Variants in NXPH1 observed in about 807,000 individuals in gnomAD.
The protein encoded by NXPH1 is neurexophilin-1.
A neutral mutation model predicts 23.7 loss-of-function variants in NXPH1; 5 were observed. That is an observed-to-expected ratio of 0.21 (90% CI 0.11 to 0.44). The LOEUF (loss-of-function observed/expected upper bound fraction) is 0.44. NXPH1 is among the 20% of genes least tolerant of loss of function. The pLI is 0.99. For missense variants in NXPH1, 324 were observed against 321.6 expected (o/e 1.01, Z -0.06); for synonymous variants, 144 against 122.2 (o/e 1.18, Z -1.18).
At chr7:8,524,575 C>G (rs892839120) in intron 2 of NXPH1, among the ~76,000 whole-genome samples, 4 of 152,260 alleles carry the variant, frequency 2.6e-5, no homozygotes, top group Non-Finnish European at 5.9e-5. Context: ...GCCAAGGTGT[C>G]TGATATGGTT....
At chr7:8,599,535 T>C (rs770592601) in intron 2 of NXPH1, among the ~76,000 whole-genome samples, 1 of 152,194 alleles carries the variant, frequency 6.6e-6, no homozygotes, top group Non-Finnish European at 1.5e-5. Flanking sequence ...TGCCATTTCA[T>C]GTCTTTCTGC....
chr7:8,749,715 G>A (rs1444691405), intron 2 of NXPH1, among the ~76,000 whole-genome samples: 1 of 152,188 alleles, frequency 6.6e-6, no homozygotes, highest in African/African-American at 2.4e-5. Context: ...TAAGTCTATT[G>A]TGAAATGTGG....
intron 2 of NXPH1, among the ~76,000 whole-genome samples, chr7:8,458,349 T>A (rs10952111): frequency 6.6e-6 from 1 of 151,998 alleles, no homozygotes; most frequent in Non-Finnish European, 1.5e-5. Context: ...GTGGTTGATA[T>A]ATACTGGACC....
In NXPH1 at chr7:8,495,072, A is replaced by G. The variant is rs143324387; in HGVS notation, c.54+59305A>G. Among the ~76,000 whole-genome samples, 397 of 152,202 alleles carry G rather than the reference A, an allele frequency of 2.6e-3. 2 individuals carry two copies. Among genetic ancestry groups the G allele is most frequent in the African/African-American group, 8.8e-3 (365 of 41,568 alleles). On this transcript the variant is annotated intron_variant, in intron 2 of 2. Transcript: ENST00000405863. The stretch of plus-strand genomic sequence containing the variant: ...ATTAGTTAGGTTTCTCCAGAGTAAT[A>G]GAATCAATAGGAGATAGGTAATAGG...
chr7:8,589,525 G>A (rs77119375), intron 2 of NXPH1, among the ~76,000 whole-genome samples: 7,988 of 152,050 alleles, frequency 0.053, 612 homozygotes, highest in African/African-American at 0.16. Flanking sequence ...GTACCAGAGA[G>A]GGTATTATAC....
At chr7:8,553,916 A>AT (rs1176192816) in intron 2 of NXPH1, among the ~76,000 whole-genome samples, 1 of 151,606 alleles carries the variant, frequency 6.6e-6, no homozygotes, top group Non-Finnish European at 1.5e-5. Flanking sequence ...GCATTGGAAA[A>AT]ATTTTTCAAT....
intron 2 of NXPH1, among the ~76,000 whole-genome samples, chr7:8,584,524 G>A (rs565642015): frequency 1.6e-4 from 24 of 152,088 alleles, no homozygotes; most frequent in African/African-American, 5.6e-4. Context: ...GATCTAATAA[G>A]CCAAGCTTTC....
chr7:8,644,505 A>G (rs1005522013), intron 2 of NXPH1, among the ~76,000 whole-genome samples: 1 of 151,804 alleles, frequency 6.6e-6, no homozygotes, highest in African/African-American at 2.4e-5. Context: ...ATCCTTCTGT[A>G]TTTCTGGTTT....
chr7:8,640,183 C>A (rs567598297), intron 2 of NXPH1, among the ~76,000 whole-genome samples: 1 of 151,978 alleles, frequency 6.6e-6, no homozygotes, highest in Non-Finnish European at 1.5e-5. Flanking sequence ...TTCTGTAAGG[C>A]CTTTGGGCTT....
intron 2 of NXPH1, among the ~76,000 whole-genome samples, chr7:8,464,842 C>T (rs537354445): frequency 1.3e-5 from 2 of 152,238 alleles, no homozygotes; most frequent in Non-Finnish European, 2.9e-5. Flanking sequence ...GTGTATCACT[C>T]ATTGGGATGG....
chr7:8,657,059 C>T (rs1562444975), intron 2 of NXPH1, among the ~76,000 whole-genome samples: 1 of 152,164 alleles, frequency 6.6e-6, no homozygotes, highest in Non-Finnish European at 1.5e-5. Context: ...CTTCTATGTA[C>T]ATGATGTCCT....
intron 2 of NXPH1, among the ~76,000 whole-genome samples, chr7:8,569,227 T>C (rs1385579973): frequency 6.6e-6 from 1 of 151,822 alleles, no homozygotes; most frequent in Admixed American, 6.6e-5. Context: ...CTTCTACACC[T>C]AGCTACCAGT....
At chr7:8,491,965 T>G (rs905619798) in intron 2 of NXPH1, among the ~76,000 whole-genome samples, 27 of 152,072 alleles carry the variant, frequency 1.8e-4, no homozygotes, top group Non-Finnish European at 1.6e-4. Context: ...AATTACTGTA[T>G]ACAACACACA....
rs1816171509 is a variant in NXPH1 at position 8,435,326 on chromosome 7, G to C, written c.-110-278G>C. On this transcript the variant is annotated intron_variant, in intron 1 of 2. Coordinates refer to ENST00000405863, the MANE Select transcript of NXPH1 (RefSeq NM_152745.3). This position sits in a 1 kb window ranked among gnomAD's most constrained non-coding sequence, Gnocchi z 5.9. Reference sequence around the variant, plus strand: ...CTGGGCTCCGAACCAGCCTGCACGCGGCTCAGTGTGCTCCGCCGCCTGGGA... The same window carrying C: ...CTGGGCTCCGAACCAGCCTGCACGCCGCTCAGTGTGCTCCGCCGCCTGGGA... 1.7e-5 allele frequency: 5 copies of C among 299,882 alleles called. No homozygotes were observed. The South Asian group carries it at 1.9e-4, about 11-fold the overall frequency. The allele number at this position is 299,882 out of a possible 1,614,324, so 18.6% of individuals were successfully genotyped here. A position where few individuals can be genotyped will look rare whatever the true frequency, so the allele number is the denominator to read the frequency against.
In NXPH1 at chr7:8,519,526, C is replaced by G. The variant is rs1420667676; in HGVS notation, c.54+83759C>G. Among the ~76,000 whole-genome samples the G allele has an allele frequency of 4.6e-5, 7 of 152,248 alleles. No individual in the cohort carries two copies. In the East Asian group the frequency reaches 1.4e-3, roughly 29 times the overall value. ...AAGGGATTCCAAGGAAATAAAAGGA[C>G]TAGGTTATACAAGGAAAGAGTTCTA... On this transcript the variant is annotated intron_variant, in intron 2 of 2. Coordinates refer to ENST00000405863, the MANE Select transcript of NXPH1 (RefSeq NM_152745.3).
intron 2 of NXPH1, among the ~76,000 whole-genome samples, chr7:8,586,287 T>A (rs1304075844): frequency 6.6e-6 from 1 of 152,106 alleles, no homozygotes; most frequent in East Asian, 1.9e-4. Context: ...GAGAAGATTG[T>A]GGAGGGAGGT....
At chr7:8,584,948 C>T (rs1230978815) in intron 2 of NXPH1, among the ~76,000 whole-genome samples, 4 of 152,254 alleles carry the variant, frequency 2.6e-5, no homozygotes, top group Non-Finnish European at 4.4e-5. Flanking sequence ...CCAGGACTAT[C>T]GATATCTCTT....
At chr7:8,687,441 A>G (rs1821164160) in intron 2 of NXPH1, among the ~76,000 whole-genome samples, 1 of 152,190 alleles carries the variant, frequency 6.6e-6, no homozygotes. Context: ...TGAAAAGTCA[A>G]CATGTAGACA....
At chr7:8,506,826 A>C (rs1433422402) in intron 2 of NXPH1, among the ~76,000 whole-genome samples, 3 of 152,072 alleles carry the variant, frequency 2.0e-5, no homozygotes, top group Non-Finnish European at 2.9e-5. Flanking sequence ...AACAAATGCT[A>C]GGGTAGCTGC....
Sources: allele counts gnomAD v4.1 joint callset (sites outside exome capture counted in the v4.1 genomes callset), GRCh38; gene constraint gnomAD v4.1.1; non-coding constraint Gnocchi (gnomAD v3.1); transcripts MANE v1.5; gene names NCBI Gene and HGNC (gene_info 2026-07-23, HGNC 2026-07-21).